Variants in ZNF589 observed in about 807,000 individuals in gnomAD.
The protein encoded by ZNF589 is zinc finger protein 589, also known as KRAB-zinc finger protein SZF1-1.
ZNF589 carries 17 observed loss-of-function variants against 13.6 expected under a neutral mutation model. The observed-to-expected ratio is 1.25, with a 90% CI of 0.86 to 1.88. ZNF589 has a LOEUF of 1.88. ZNF589 is among the 40% of genes most tolerant of loss of function. The pLI is 0.00. For synonymous variants in ZNF589, 148 were observed against 161.6 expected, an observed-to-expected ratio of 0.92 and a Z score of 0.64; for missense variants, 407 against 434.0, an observed-to-expected ratio of 0.94 and a Z score of 0.55.
At chr3:48,252,766 G>C (rs1316811235) in intron 2 of ZNF589, among the ~76,000 whole-genome samples, 1 of 151,290 alleles carries the variant, frequency 6.6e-6, no homozygotes, top group East Asian at 2.0e-4. Context: ...GGGACTACAG[G>C]CCACTGCCAC....
rs1250006474 is a variant in ZNF589 at position 48,254,872 on chromosome 3, TTC to T, written c.97-5939_97-5938del. ...TAGTTCCAAGGTTTTTTTTTTTTATTTCTTTTTGTAGATTCTCTGGAATTTCC... is the reference window on the plus strand; with the variant it reads ...TAGTTCCAAGGTTTTTTTTTTTTATTTTTTTGTAGATTCTCTGGAATTTCC... On this transcript the variant is annotated intron_variant, in intron 2 of 3. Coordinates refer to ENST00000354698, the MANE Select transcript of ZNF589 (RefSeq NM_016089.3). 9.9e-5 allele frequency among the ~76,000 whole-genome samples: 15 copies of T among 152,238 alleles called. No individual in the cohort carries two copies. In the South Asian group the frequency reaches 2.9e-3, roughly 29 times the overall value.
chr3:48,256,710 G>A, intron 2 of ZNF589: 1 of 1,569,500 alleles, frequency 6.4e-7, no homozygotes, highest in Non-Finnish European at 8.8e-7. Flanking sequence ...TTGTGGTTCA[G>A]GTTCCAGTGG....
Position 48,268,863 on chromosome 3 carries a change from G to T in ZNF589, c.*77G>T, listed in dbSNP as rs1398149916. On this transcript the variant is annotated 3_prime_UTR_variant, in exon 4 of 4. Transcript: ENST00000354698. ...TCAGATGAGAAGCCTTTTGTTTGCA[G>T]AGAGTGTGGGCGAGGCTTTCGTGCT... 2 of 1,529,284 alleles carry T rather than the reference G, an allele frequency of 1.3e-6. No homozygotes were observed. The highest frequency in any genetic ancestry group is 1.8e-6 in the Non-Finnish European group (2 of 1,135,556). 94.7% of individuals were successfully genotyped at this position (1,529,284 alleles called of 1,614,324 possible).
intron 2 of ZNF589, among the ~76,000 whole-genome samples, chr3:48,255,648 C>A (rs1187760791): frequency 1.3e-5 from 2 of 152,020 alleles, no homozygotes; most frequent in Admixed American, 6.6e-5. Flanking sequence ...TGCTACCAAC[C>A]ACGCCTGGCT....
At chr3:48,253,961 T>C (rs900428822) in intron 2 of ZNF589, among the ~76,000 whole-genome samples, 2 of 152,166 alleles carry the variant, frequency 1.3e-5, no homozygotes, top group African/African-American at 4.8e-5. Context: ...ATTGGTGGCA[T>C]GTACCTGTAT....
intron 3 of ZNF589, among the ~76,000 whole-genome samples, chr3:48,266,738 A>C (rs1333747116): frequency 6.6e-6 from 1 of 152,132 alleles, no homozygotes; most frequent in Non-Finnish European, 1.5e-5. Flanking sequence ...TACATATTTT[A>C]CTTTAATCCA....
At chr3:48,263,738 A>G (rs989754891) in intron 3 of ZNF589, among the ~76,000 whole-genome samples, 1 of 152,192 alleles carries the variant, frequency 6.6e-6, no homozygotes, top group Non-Finnish European at 1.5e-5. Flanking sequence ...CAACCTGGGC[A>G]ACAGAGCAAG....
In ZNF589 at chr3:48,241,210, G is replaced by C. The variant is rs747509196; in HGVS notation, c.39G>C (p.Ala13=). 1.2e-5 allele frequency: 19 copies of C among 1,612,410 alleles called. No homozygotes were observed. Among genetic ancestry groups the C allele is most frequent in the Non-Finnish European group, 1.6e-5 (19 of 1,179,726 alleles). The change falls in exon 1 of 4, where the codon GCG becomes GCC. Residue 13 remains alanine, a synonymous_variant. Coordinates refer to ENST00000354698, the MANE Select transcript of ZNF589 (RefSeq NM_016089.3). ...APREQLLGWT[A]EALPAKDSAW... ...GGGAGCAGCTACTGGGCTGGACTGC[G>C]GAAGGTGAGTCGGGGCCGCGAGATC... is the stretch of plus-strand genomic sequence containing the variant.
Position 48,270,031 on chromosome 3 carries a change from G to A in ZNF589, c.*1245G>A, listed in dbSNP as rs775792533. The A allele has an allele frequency of 2.2e-6, 1 of 457,174 alleles. No homozygotes were observed. Among genetic ancestry groups the A allele is most frequent in the Non-Finnish European group, 4.4e-6 (1 of 227,110 alleles). 28.3% of individuals were successfully genotyped at this position (457,174 alleles called of 1,614,324 possible). Reference sequence around the variant, plus strand: ...AGAGATCTAACTTCTGAGAGCAGAGGTGTCAAGTGACGGTCCCCTTGGAGG... The same window carrying A: ...AGAGATCTAACTTCTGAGAGCAGAGATGTCAAGTGACGGTCCCCTTGGAGG... On this transcript the variant is annotated 3_prime_UTR_variant, in exon 4 of 4. Transcript: ENST00000354698.
chr3:48,260,005 G>A (rs1191686720), intron 2 of ZNF589, among the ~76,000 whole-genome samples: 1 of 152,032 alleles, frequency 6.6e-6, no homozygotes, highest in East Asian at 1.9e-4. Flanking sequence ...AGCAAATAAT[G>A]CTTGAATTCA....
chr3:48,268,752 A>C lies in ZNF589; in HGVS notation c.1061A>C (p.His354Pro), dbSNP rs546281978. The change falls in exon 4 of 4, where the codon CAC becomes CCC. Residue 354 changes from histidine to proline, a missense_variant. Transcript: ENST00000354698. Reference sequence around the variant, plus strand: ...GAGCTCATTAAGCACCAGAGAATTCACACGGGGGATAAGCCTTATGTGTGC... The same window carrying C: ...GAGCTCATTAAGCACCAGAGAATTCCCACGGGGGATAAGCCTTATGTGTGC... The part of the protein sequence containing the change: ...KSELIKHQRI[H>P]TGDKPYVCRD 2.0e-3 allele frequency: 3,244 copies of C among 1,614,098 alleles called. 74 individuals are homozygous for C. The South Asian group carries it at 0.034, about 17-fold the overall frequency.
intron 2 of ZNF589, among the ~76,000 whole-genome samples, chr3:48,248,465 A>G (rs541651348): frequency 1.1e-4 from 17 of 152,018 alleles, no homozygotes; most frequent in Non-Finnish European, 2.2e-4. Flanking sequence ...ACACTTTCCA[A>G]CTCTACGAAA....
intron 3 of ZNF589, among the ~76,000 whole-genome samples, chr3:48,262,714 T>C (rs1238541858): frequency 6.6e-6 from 1 of 152,134 alleles, no homozygotes; most frequent in Non-Finnish European, 1.5e-5. Flanking sequence ...TCTTTTTTTC[T>C]TCCCTGTAGC....
At position 48,269,869 on chromosome 3, in the gene ZNF589, TA is replaced by T; in HGVS notation, c.*1085del. 2.7e-6 allele frequency: 1 copy of T among 368,166 alleles called. No homozygotes were observed. The highest frequency in any genetic ancestry group is 5.3e-6 in the Non-Finnish European group (1 of 188,342). 22.8% of individuals were successfully genotyped at this position (368,166 alleles called of 1,614,324 possible). A position where few individuals can be genotyped will look rare whatever the true frequency, so the allele number is the denominator to read the frequency against. On this transcript the variant is annotated 3_prime_UTR_variant, in exon 4 of 4. Transcript: ENST00000354698. ...GGGAGAAACCTTCATGGAGTGAGAG[TA>T]AGGTGTTGGCTGGAAGTGGCCCCTT...
intron 2 of ZNF589, among the ~76,000 whole-genome samples, chr3:48,248,945 A>G (rs1469786001): frequency 6.6e-6 from 1 of 152,114 alleles, no homozygotes; most frequent in African/African-American, 2.4e-5. Context: ...TCTTCTCAGG[A>G]GGTTTTGTAC....
At chr3:48,246,827 C>A (rs139219330) in intron 1 of ZNF589, among the ~76,000 whole-genome samples, 1 of 151,978 alleles carries the variant, frequency 6.6e-6, no homozygotes, top group Non-Finnish European at 1.5e-5. Context: ...CGCCACCACA[C>A]CCAGCTAATT....
At chr3:48,260,704 C>A in intron 2 of ZNF589, 109 bp from the exon 3 acceptor site, 1 of 1,515,470 alleles carries the variant, frequency 6.6e-7, no homozygotes. Flanking sequence ...CCACCGTGCC[C>A]GGCCTAGATC....
intron 2 of ZNF589, among the ~76,000 whole-genome samples, chr3:48,254,498 A>G (rs747721801): frequency 6.6e-5 from 10 of 152,194 alleles, no homozygotes; most frequent in Non-Finnish European, 1.2e-4. Context: ...CTCGATAGGT[A>G]CAAAATAGCT....
At position 48,263,266 on chromosome 3, in the gene ZNF589, C is replaced by T. The variant is rs113734698; in HGVS notation, c.223+2327C>T. Among the ~76,000 whole-genome samples the T allele has an allele frequency of 2.2e-3, 339 of 152,184 alleles. 3 individuals carry two copies. The highest frequency in any genetic ancestry group is 7.3e-3 in the African/African-American group (304 of 41,554). On this transcript the variant is annotated intron_variant, in intron 3 of 3. Transcript: ENST00000354698. ...CTGGGATTACAGGCACGTGCCACCA[C>T]GCCCAGCAAATTTTTTTATTTTTAG...
Sources: gnomAD v4.1 joint callset for allele counts (sites outside exome capture counted in the v4.1 genomes callset) on GRCh38, gnomAD v4.1.1 for gene constraint, MANE v1.5 for transcripts, NCBI Gene and HGNC (gene_info 2026-07-23, HGNC 2026-07-21) for gene names.